The following CD33 variants were observed in gnomAD, a reference collection of about 807,000 sequenced individuals.
CD33 encodes the protein myeloid cell surface antigen CD33.
A neutral mutation model predicts 31.4 loss-of-function variants in CD33; 25 were observed. That is an observed-to-expected ratio of 0.80 (90% CI 0.58 to 1.11). The LOEUF is 1.11. CD33 is among the 50% of genes most tolerant of loss of function. CD33 has a pLI of 0.00. For synonymous variants in CD33, 176 were observed against 180.6 expected (o/e 0.97, Z 0.20); for missense variants, 407 against 448.1 (o/e 0.91, Z 0.83).
chr19:51,225,766 C>T (rs1417555882), intron 2 of CD33, 37 bp from the exon 3 acceptor site: 2 of 1,596,264 alleles, frequency 1.3e-6, no homozygotes, highest in Non-Finnish European at 8.6e-7. Flanking sequence ...CCTGGACCCT[C>T]CCTCCTGATT....
At chr19:51,236,139 C>A in intron 6 of CD33, 2 of 397,578 alleles carry the variant, frequency 5.0e-6, no homozygotes, top group Non-Finnish European at 9.4e-6. Flanking sequence ...GCCTGGGTGA[C>A]AGAGAGAGAC....
In CD33 at chr19:51,225,145, G is replaced by A. The variant is rs1980892472; in HGVS notation, c.27G>A (p.Leu9=). ...TGCCGCTGCTGCTACTGCTGCCCCT[G>A]CTGTGGGCAGGTGAGTGGCTGTGGG... MPLLLLLP[L]LWAGALAMDP... The change falls in exon 1 of 7, where the codon CTG becomes CTA. Residue 9 remains leucine (L), a synonymous_variant. Coordinates refer to ENST00000262262, the MANE Select transcript of CD33 (RefSeq NM_001772.4). 1 of 1,613,930 alleles carries A rather than the reference G, an allele frequency of 6.2e-7. No homozygotes were observed.
rs1218310790 is a variant in CD33, at chr19:51,225,948, C to A, written c.564C>A (p.Gly188=). The A allele has an allele frequency of 6.2e-7, 1 of 1,614,114 alleles. No individual in the cohort carries two copies. Among genetic ancestry groups the A allele is most frequent in the Non-Finnish European group, 8.5e-7 (1 of 1,180,018 alleles). The change falls in exon 3 of 7, where the codon GGC becomes GGA. Residue 188 remains glycine (G), a synonymous_variant. Transcript: ENST00000262262. ...TGTCAGCTGCCCCCACCTCCCTGGG[C>A]CCCAGGACTACTCACTCCTCGGTGC... ...SWLSAAPTSL[G]PRTTHSSVLI...
At chr19:51,221,084 C>A (rs1451256419), upstream of CD33, among the ~76,000 whole-genome samples, 1 of 152,116 alleles carries the variant, frequency 6.6e-6, no homozygotes, top group Non-Finnish European at 1.5e-5. Flanking sequence ...AAAAAATAAA[C>A]AACACTTAAA....
chr19:51,235,257 A>G lies in CD33; in HGVS notation c.842+4A>G, dbSNP rs758247033. On this transcript the variant is annotated splice_donor_region_variant and intron_variant, in intron 5 of 6. Transcript: ENST00000262262. ...GTCTCTGCCTCATCTTCTTCATGTGAGCATTTTCTCTGGGTCAGGCATGGG... is the reference window on the plus strand; with the variant it reads ...GTCTCTGCCTCATCTTCTTCATGTGGGCATTTTCTCTGGGTCAGGCATGGG... 2.5e-6 allele frequency: 4 copies of G among 1,613,180 alleles called. No homozygotes were observed. The highest frequency in any genetic ancestry group is 2.5e-6 in the Non-Finnish European group (3 of 1,179,292).
chr19:51,221,420 G>T (rs7246875), upstream of CD33, among the ~76,000 whole-genome samples: 11,886 of 152,126 alleles, frequency 0.078, 1,507 homozygotes, highest in African/African-American at 0.27. Context: ...GCATTCTTAG[G>T]TAGCATTACA....
chr19:51,214,784 C>A, the CD33 span, among the ~76,000 whole-genome samples: 1 of 152,156 alleles, frequency 6.6e-6, no homozygotes, highest in Non-Finnish European at 1.5e-5. Context: ...TGTGAGCTAT[C>A]ATTTCACTTT....
Position 51,225,535 on chromosome 19 carries a change from C to A in CD33, c.355C>A (p.Arg119=). Residue 119 remains arginine, a synonymous_variant, in exon 2 of 7, where the codon CGG becomes AGG. Coordinates refer to ENST00000262262, the MANE Select transcript of CD33 (RefSeq NM_001772.4). ...GAGGGATAATGGTTCATACTTCTTTCGGATGGAGAGAGGAAGTACCAAATA... is the reference window on the plus strand; with the variant it reads ...GAGGGATAATGGTTCATACTTCTTTAGGATGGAGAGAGGAAGTACCAAATA... The part of the protein sequence containing the change: ...RRRDNGSYFF[R]MERGSTKYSY... 6.3e-7 allele frequency: 1 copy of A among 1,599,408 alleles called. No homozygotes were observed.
At chr19:51,216,558 A>AT in the CD33 span, among the ~76,000 whole-genome samples, 1 of 151,998 alleles carries the variant, frequency 6.6e-6, no homozygotes, top group Non-Finnish European at 1.5e-5. Context: ...AAAATCAAAA[A>AT]TTAGGTGGGC....
intron 6 of CD33, 32 bp downstream of exon 6, chr19:51,235,708 G>C: frequency 6.4e-7 from 1 of 1,571,654 alleles, no homozygotes. Flanking sequence ...CATCCAGTCT[G>C]TCCTGCAGAC....
chr19:51,212,303 C>T, the CD33 span, among the ~76,000 whole-genome samples: 1 of 152,082 alleles, frequency 6.6e-6, no homozygotes. Flanking sequence ...CTCTTATTGT[C>T]CTAGATGCTC....
the CD33 span, among the ~76,000 whole-genome samples, chr19:51,217,247 G>A: frequency 6.6e-6 from 1 of 152,130 alleles, no homozygotes; most frequent in Non-Finnish European, 1.5e-5. Flanking sequence ...GAGTGAGGAT[G>A]TGTTTTTGGA....
chr19:51,218,424 T>C, the CD33 span, among the ~76,000 whole-genome samples: 9 of 152,226 alleles, frequency 5.9e-5, no homozygotes, highest in Non-Finnish European at 1.2e-4. Context: ...TTCTGGATAT[T>C]AGTCTCTTAT....
At chr19:51,215,919 G>T in the CD33 span, among the ~76,000 whole-genome samples, 2 of 152,156 alleles carry the variant, frequency 1.3e-5, no homozygotes, top group African/African-American at 2.4e-5. Flanking sequence ...TCCAGACTCT[G>T]CTTCTAGCTG....
At chr19:51,214,218 A>C in the CD33 span, among the ~76,000 whole-genome samples, 1 of 56,752 alleles carries the variant, frequency 1.8e-5, no homozygotes, top group African/African-American at 7.8e-5. Context: ...TTTTTTTTTT[A>C]GATGGAGTCT....
At position 51,233,784 on chromosome 19, in the gene CD33, T is replaced by C. The variant is rs141110039; in HGVS notation, c.746-1373T>C. On this transcript the variant is annotated intron_variant, in intron 4 of 6. Transcript: ENST00000262262. The stretch of plus-strand genomic sequence containing the variant: ...TTTCCCTACAAGGGGAAATCCTTCC[T>C]GTCTCTGGGACAAACCAATCTGGGC... Among the ~76,000 whole-genome samples, 757 of 152,356 alleles carry C rather than the reference T, an allele frequency of 5.0e-3. 5 individuals carry two copies. The highest frequency in any genetic ancestry group is 6.7e-3 in the Non-Finnish European group (458 of 68,024).
At chr19:51,213,850 C>CTTT in the CD33 span, among the ~76,000 whole-genome samples, 2 of 126,008 alleles carry the variant, frequency 1.6e-5, no homozygotes, top group African/African-American at 2.9e-5. Flanking sequence ...TTTTCTTTTT[C>CTTT]TTTTTTTTTT....
chr19:51,232,850 A>G (rs1438325631), intron 4 of CD33, among the ~76,000 whole-genome samples: 1 of 152,222 alleles, frequency 6.6e-6, no homozygotes, highest in Non-Finnish European at 1.5e-5. Flanking sequence ...CTGGGGGCAT[A>G]TCTGCTGGAG....
the CD33 span, among the ~76,000 whole-genome samples, chr19:51,216,471 A>G: frequency 6.6e-6 from 1 of 152,028 alleles, no homozygotes; most frequent in African/African-American, 2.4e-5. Context: ...GCACTTTGGG[A>G]GGCTGAGGTA....
Sources: gnomAD v4.1 joint callset for allele counts (sites outside exome capture counted in the v4.1 genomes callset) on GRCh38, gnomAD v4.1.1 for gene constraint, MANE v1.5 for transcripts, NCBI Gene and HGNC (gene_info 2026-07-23, HGNC 2026-07-21) for gene names.